Variants in THEMIS observed in about 807,000 individuals in gnomAD.
THEMIS encodes protein THEMIS.
A neutral mutation model predicts 52.6 loss-of-function variants in THEMIS; 37 were observed. That is an observed-to-expected ratio of 0.70 (90% CI 0.54 to 0.93). The LOEUF (loss-of-function observed/expected upper bound fraction) is 0.93, where lower values mean the gene tolerates loss of function less well. Ranked by LOEUF, THEMIS falls within the 40% of genes least tolerant of loss-of-function variation. The pLI is 0.00. For synonymous variants in THEMIS, 292 were observed against 272.7 expected, an observed-to-expected ratio of 1.07 and a Z score of -0.70; for missense variants, 808 against 763.1, an observed-to-expected ratio of 1.06 and a Z score of -0.69.
intron 3 of THEMIS, among the ~76,000 whole-genome samples, chr6:127,822,129 T>C (rs1472559903): frequency 6.6e-6 from 1 of 151,994 alleles, no homozygotes; most frequent in Non-Finnish European, 1.5e-5. Flanking sequence ...CATCTTCATC[T>C]CTCACCCACT....
At chr6:127,827,112 A>C (rs1778535723) in intron 3 of THEMIS, among the ~76,000 whole-genome samples, 1 of 152,050 alleles carries the variant, frequency 6.6e-6, no homozygotes, top group African/African-American at 2.4e-5. Flanking sequence ...AGGTTTCTAG[A>C]AAACTTCCAA....
chr6:127,744,904 G>T (rs1010017650), intron 4 of THEMIS, among the ~76,000 whole-genome samples: 34 of 151,744 alleles, frequency 2.2e-4, no homozygotes, highest in Non-Finnish European at 1.2e-4. Flanking sequence ...TGATGAATAT[G>T]TTTATCACCT....
chr6:127,867,126 A>C lies in THEMIS; in HGVS notation c.92-11938T>G, dbSNP rs539775994. Among the ~76,000 whole-genome samples the C allele has an allele frequency of 5.3e-5, 8 of 152,058 alleles. No homozygotes were observed. In the East Asian group the frequency reaches 1.5e-3, roughly 29 times the overall value. ...AAGAATTCTTTTAGTTATATAAGCC[A>C]TTGTATTCTTGGGAAAACTTTGAGA... On this transcript the variant is annotated intron_variant, in intron 1 of 5. Coordinates refer to ENST00000368248, the MANE Select transcript of THEMIS (RefSeq NM_001010923.3).
chr6:127,914,585 AC>A (rs975415863), intron 1 of THEMIS, among the ~76,000 whole-genome samples: 9 of 152,354 alleles, frequency 5.9e-5, no homozygotes, highest in African/African-American at 2.2e-4. Context: ...GATGTAGGCA[AC>A]TGTAACACAG....
At chr6:127,718,726 A>G (rs1774257034) in intron 5 of THEMIS, among the ~76,000 whole-genome samples, 1 of 151,950 alleles carries the variant, frequency 6.6e-6, no homozygotes, top group Non-Finnish European at 1.5e-5. Context: ...GAGGAATTGC[A>G]ATATGCGTGA....
At chr6:127,701,306 C>T in the THEMIS span, among the ~76,000 whole-genome samples, 2 of 151,956 alleles carry the variant, frequency 1.3e-5, no homozygotes, top group Non-Finnish European at 2.9e-5. Context: ...AAATACTATT[C>T]TGTATCTAAT....
intron 4 of THEMIS, among the ~76,000 whole-genome samples, chr6:127,747,954 G>T (rs963548573): frequency 1.3e-5 from 2 of 152,068 alleles, no homozygotes; most frequent in Middle Eastern, 3.4e-3. Flanking sequence ...AGGAATAAAA[G>T]AATAAACTTC....
chr6:127,703,331 G>A (rs974758083), downstream of THEMIS, among the ~76,000 whole-genome samples: 6 of 152,308 alleles, frequency 3.9e-5, no homozygotes, highest in East Asian at 7.7e-4. Context: ...ACAGGCGTGA[G>A]ACACCGCGCC....
chr6:127,746,396 T>A lies in THEMIS; in HGVS notation c.1759-26573A>T, dbSNP rs193135899. ...CAATCTGCCACACAGACACTGCTCT[T>A]TACTATATTCCTATAGTATCTAGCA... On this transcript the variant is annotated intron_variant, in intron 4 of 5. Transcript: ENST00000368248. Among the ~76,000 whole-genome samples the A allele has an allele frequency of 1.3e-4, 19 of 151,760 alleles. No individual in the cohort carries two copies. In the East Asian group the frequency reaches 3.7e-3, roughly 29 times the overall value.
At chr6:127,710,042 T>A (rs1237791923) in intron 5 of THEMIS, 26 bp from the exon 6 acceptor site, 3 of 1,498,334 alleles carry the variant, frequency 2.0e-6, no homozygotes, top group South Asian at 2.4e-5. Context: ...GAAGGGTTTA[T>A]CAGAAATAAG....
At chr6:127,832,309 T>C (rs1360387297) in intron 2 of THEMIS, among the ~76,000 whole-genome samples, 1 of 152,204 alleles carries the variant, frequency 6.6e-6, no homozygotes, top group Non-Finnish European at 1.5e-5. Context: ...TGTGAATCTG[T>C]GCTTTTCCTT....
In THEMIS at chr6:127,754,235, A is replaced by T. The variant is rs533431793; in HGVS notation, c.1759-34412T>A. Among the ~76,000 whole-genome samples, 108 of 152,316 alleles carry T rather than the reference A, an allele frequency of 7.1e-4. 3 individuals are homozygous for T. In the South Asian group the frequency reaches 0.022, roughly 31 times the overall value. On this transcript the variant is annotated intron_variant, in intron 4 of 5. Transcript: ENST00000368248. Reference sequence around the variant, plus strand: ...AGGGCTTTTGGAGACTTTTTCTACAAAGCATTCTCAACCATGTGTCTAGGT... The same window carrying T: ...AGGGCTTTTGGAGACTTTTTCTACATAGCATTCTCAACCATGTGTCTAGGT...
chr6:127,814,259 C>A (rs986667854), intron 3 of THEMIS, among the ~76,000 whole-genome samples: 1 of 152,068 alleles, frequency 6.6e-6, no homozygotes. Context: ...TATTCCTGTG[C>A]TTATATTTAT....
intron 4 of THEMIS, among the ~76,000 whole-genome samples, chr6:127,761,928 G>T (rs1349665573): frequency 3.3e-5 from 5 of 152,056 alleles, no homozygotes; most frequent in African/African-American, 1.2e-4. Flanking sequence ...ACTGAAATCG[G>T]TATCTCAAAT....
intron 4 of THEMIS, chr6:127,807,254 G>A: frequency 4.9e-6 from 1 of 203,792 alleles, no homozygotes; most frequent in Non-Finnish European, 1.0e-5. Flanking sequence ...CCAGCTACGT[G>A]GGAGGCTGAG....
At chr6:127,810,685 T>A (rs1040012986) in intron 4 of THEMIS, among the ~76,000 whole-genome samples, 7 of 152,186 alleles carry the variant, frequency 4.6e-5, no homozygotes, top group African/African-American at 1.7e-4. Context: ...TATGTTATAA[T>A]AGCGCAAACA....
At chr6:127,821,528 C>T (rs1020725897) in intron 3 of THEMIS, among the ~76,000 whole-genome samples, 3 of 152,046 alleles carry the variant, frequency 2.0e-5, no homozygotes, top group Non-Finnish European at 4.4e-5. Context: ...CCAAAGGGAG[C>T]TCCTGTGAAA....
Position 127,782,925 on chromosome 6 carries a change from A to G in THEMIS, c.1758+29958T>C, listed in dbSNP as rs148817240. On this transcript the variant is annotated intron_variant, in intron 4 of 5. Coordinates refer to ENST00000368248, the MANE Select transcript of THEMIS (RefSeq NM_001010923.3). ...TATGGAACCAAAATAGAACCTACAT[A>G]GCCAAAACAATCCTAAGCAAAAAGA... Among the ~76,000 whole-genome samples, 440 of 152,332 alleles carry G rather than the reference A, an allele frequency of 2.9e-3. 3 individuals carry two copies. The highest frequency in any genetic ancestry group is 0.01 in the African/African-American group (426 of 41,568).
chr6:127,908,852 A>G (rs78832643), intron 1 of THEMIS, among the ~76,000 whole-genome samples: 2,659 of 152,042 alleles, frequency 0.017, 85 homozygotes, highest in African/African-American at 0.06. Flanking sequence ...AGAGAAACTC[A>G]AAGATGCCAT....
Sources: allele counts gnomAD v4.1 joint callset (sites outside exome capture counted in the v4.1 genomes callset), GRCh38; gene constraint gnomAD v4.1.1; transcripts MANE v1.5; gene names NCBI Gene and HGNC (gene_info 2026-07-23, HGNC 2026-07-21).